ABCC8: variants seen among roughly 807,000 people sequenced by gnomAD.
ABCC8 encodes the protein ATP-binding cassette sub-family C member 8.
In ABCC8, 137 loss-of-function variants were observed where a neutral mutation model predicts 188.0. That is an observed-to-expected ratio of 0.73 (90% CI 0.63 to 0.84). The LOEUF is 0.84. Among genes scored for constraint, ABCC8 ranks in the 40% least tolerant of loss-of-function variants. The pLI is 0.00. For missense variants in ABCC8, 1,750 were observed against 2,072.7 expected, an observed-to-expected ratio of 0.84 and a Z score of 3.02; for synonymous variants, 797 against 846.5, an observed-to-expected ratio of 0.94 and a Z score of 1.01.
intron 3 of ABCC8, among the ~76,000 whole-genome samples, chr11:17,464,263 A>G (rs1591898912): frequency 6.6e-6 from 1 of 152,182 alleles, no homozygotes; most frequent in East Asian, 1.9e-4. Flanking sequence ...CTAGGGACAG[A>G]GAGAGGGTGA....
intron 16 of ABCC8, among the ~76,000 whole-genome samples, chr11:17,425,055 A>T (rs1342123274): frequency 6.6e-6 from 1 of 152,230 alleles, no homozygotes; most frequent in Non-Finnish European, 1.5e-5. Context: ...GCAGGCATGC[A>T]GTTGGACAGC....
intron 1 of ABCC8, 87 bp downstream of exon 1, chr11:17,476,542 G>A: frequency 9.3e-6 from 14 of 1,510,676 alleles, no homozygotes; most frequent in South Asian, 1.2e-5. Context: ...GGGCCGGAAG[G>A]GGACGCCGAG....
intron 37 of ABCC8, among the ~76,000 whole-genome samples, chr11:17,393,980 CTG>C (rs773933687): frequency 2.6e-4 from 40 of 152,036 alleles, no homozygotes; most frequent in Non-Finnish European, 4.9e-4. Flanking sequence ...GTGGTTGTGG[CTG>C]TGTGTGTGCT....
At chr11:17,428,048 T>C (rs1955665816) in intron 14 of ABCC8, 106 bp from the exon 15 acceptor site, 1 of 1,586,608 alleles carries the variant, frequency 6.3e-7, no homozygotes, top group Non-Finnish European at 8.6e-7. Flanking sequence ...AGACACTGAT[T>C]CCAGCCCCTG....
In ABCC8 at chr11:17,397,807, G is replaced by C; in HGVS notation, c.3754-10C>G. On this transcript the variant is annotated splice_polypyrimidine_tract_variant and intron_variant, in intron 30 of 38. Transcript: ENST00000389817. Reference sequence around the variant, plus strand: ...ATGCACCGATGTACTCCTGGGGAGGGAGAGGAGCTGACCTGGGCGCTCAGG... The same window carrying C: ...ATGCACCGATGTACTCCTGGGGAGGCAGAGGAGCTGACCTGGGCGCTCAGG... The C allele has an allele frequency of 6.2e-7, 1 of 1,613,414 alleles. No homozygotes were observed. The highest frequency in any genetic ancestry group is 1.3e-5 in the African/African-American group (1 of 75,030).
chr11:17,473,868 G>A (rs374634232), intron 2 of ABCC8, among the ~76,000 whole-genome samples: 1 of 152,100 alleles, frequency 6.6e-6, no homozygotes, highest in African/African-American at 2.4e-5. Flanking sequence ...GACCAAATCC[G>A]ACCCAAACAT....
intron 10 of ABCC8, among the ~76,000 whole-genome samples, chr11:17,439,788 G>A (rs1261715348): frequency 6.6e-6 from 1 of 152,138 alleles, no homozygotes; most frequent in Non-Finnish European, 1.5e-5. Context: ...GACACGTGAG[G>A]AGTCCTGGGC....
intron 2 of ABCC8, among the ~76,000 whole-genome samples, chr11:17,474,584 A>G (rs1379586099): frequency 6.6e-6 from 1 of 151,274 alleles, no homozygotes; most frequent in African/African-American, 2.4e-5. Flanking sequence ...GGCAGGTTGT[A>G]GAAGAGGCCA....
At chr11:17,413,011 G>A in intron 20 of ABCC8, 2 of 692,240 alleles carry the variant, frequency 2.9e-6, no homozygotes, top group Non-Finnish European at 2.3e-6. Flanking sequence ...AGGCAGCAGG[G>A]ATTAAAATCA....
At chr11:17,425,589 G>C (rs1175412595) in intron 16 of ABCC8, among the ~76,000 whole-genome samples, 1 of 152,152 alleles carries the variant, frequency 6.6e-6, no homozygotes, top group Non-Finnish European at 1.5e-5. Flanking sequence ...TATGTTGATG[G>C]CTGTAGTTGT....
intron 20 of ABCC8, 60 bp downstream of exon 20, chr11:17,413,334 C>T: frequency 6.2e-7 from 1 of 1,604,538 alleles, no homozygotes; most frequent in Non-Finnish European, 8.5e-7. Context: ...AGTAGTGTCT[C>T]AGGGCATGGT....
At chr11:17,445,921 A>G (rs1196637067) in intron 8 of ABCC8, among the ~76,000 whole-genome samples, 1 of 151,620 alleles carries the variant, frequency 6.6e-6, no homozygotes. Flanking sequence ...TGTGAGTACT[A>G]GTAACGGTAA....
intron 26 of ABCC8, among the ~76,000 whole-genome samples, chr11:17,406,133 C>T (rs1298776590): frequency 6.6e-6 from 1 of 152,188 alleles, no homozygotes; most frequent in Admixed American, 6.5e-5. Context: ...GTTGGCCAAC[C>T]AATTGGGCAG....
At chr11:17,413,101 C>T in intron 20 of ABCC8, 2 of 601,766 alleles carry the variant, frequency 3.3e-6, no homozygotes, top group East Asian at 3.0e-5. Context: ...TGAACAGGAA[C>T]AATACAACCC....
chr11:17,396,377 G>A lies in ABCC8; in HGVS notation c.4120-447C>T, dbSNP rs1166270408. ...TGGGTACCAACAGAAATTACAATAC[G>A]GAGACAGATAGTGACATAGAAGGAT... On this transcript the variant is annotated intron_variant, in intron 33 of 38. Transcript: ENST00000389817. 11 of 330,690 alleles carry A rather than the reference G, an allele frequency of 3.3e-5. No individual in the cohort carries two copies. The East Asian group carries it at 4.5e-4, about 14-fold the overall frequency. 20.5% of individuals were successfully genotyped at this position (330,690 alleles called of 1,614,324 possible). A position where few individuals can be genotyped will look rare whatever the true frequency, so the allele number is the denominator to read the frequency against.
chr11:17,436,474 G>A (rs1380038257), intron 10 of ABCC8, among the ~76,000 whole-genome samples: 1 of 152,140 alleles, frequency 6.6e-6, no homozygotes, highest in African/African-American at 2.4e-5. Context: ...GAGGGGTGGG[G>A]AATATAGCCA....
At chr11:17,394,632 C>T (rs890440002) in intron 36 of ABCC8, among the ~76,000 whole-genome samples, 3 of 152,036 alleles carry the variant, frequency 2.0e-5, no homozygotes, top group African/African-American at 7.3e-5. Context: ...CTGCTGTGGC[C>T]CTGGGCAGTT....
In ABCC8 at chr11:17,448,570, A is replaced by G; in HGVS notation, c.1278T>C (p.Asn426=). 1 of 1,614,184 alleles carries G rather than the reference A, an allele frequency of 6.2e-7. No individual in the cohort carries two copies. Among genetic ancestry groups the G allele is most frequent in the Non-Finnish European group, 8.5e-7 (1 of 1,180,034 alleles). Residue 426 remains asparagine (N), a synonymous_variant, in exon 8 of 39, where the codon AAT becomes AAC. Coordinates refer to ENST00000389817, the MANE Select transcript of ABCC8 (RefSeq NM_000352.6). The stretch of plus-strand genomic sequence containing the variant: ...ACAAGAAGAAAAACCACATGAGCTG[A>G]TTGGTGTCGATGGCAACCAGATTAC... The part of the protein sequence containing the change: ...QICNLVAIDT[N]QLMWFFFLCP...
intron 18 of ABCC8, 97 bp downstream of exon 18, chr11:17,415,207 T>TCTGGGGG: frequency 6.6e-7 from 1 of 1,515,620 alleles, no homozygotes. Flanking sequence ...GGGGCTGGGG[T>TCTGGGGG]CTGGGGGCTG....
Sources: allele counts gnomAD v4.1 joint callset (sites outside exome capture counted in the v4.1 genomes callset), GRCh38; gene constraint gnomAD v4.1.1; transcripts MANE v1.5; gene names NCBI Gene and HGNC (gene_info 2026-07-23, HGNC 2026-07-21).